The following ZMIZ1 variants were observed in gnomAD, a reference collection of about 807,000 sequenced individuals.
ZMIZ1 encodes the protein zinc finger MIZ-type containing 1.
Under a neutral mutation model 113.9 loss-of-function variants are expected in ZMIZ1, and 17 were observed. That is an observed-to-expected ratio of 0.15 (90% CI 0.10 to 0.22). The LOEUF is 0.22. Among genes scored for constraint, ZMIZ1 ranks in the 10% least tolerant of loss-of-function variants. The probability of loss-of-function intolerance (pLI) is 1.00; values close to 1 mark genes in which losing one functional copy is unlikely to be tolerated. For missense variants in ZMIZ1, 1,059 were observed against 1,477.8 expected, an observed-to-expected ratio of 0.72 and a Z score of 4.65; for synonymous variants, 607 against 603.1, an observed-to-expected ratio of 1.01 and a Z score of -0.09.
At chr10:79,162,006 G>A (rs956111404) in intron 3 of ZMIZ1, 47 bp from the exon 4 acceptor site, 8 of 398,930 alleles carry the variant, frequency 2.0e-5, no homozygotes, top group African/African-American at 1.2e-4. Context: ...GGTCAGTGCC[G>A]GGCCTCTACT....
intron 3 of ZMIZ1, among the ~76,000 whole-genome samples, chr10:79,149,356 C>T (rs1845618433): frequency 6.6e-6 from 1 of 152,202 alleles, no homozygotes; most frequent in Admixed American, 6.5e-5. Flanking sequence ...CATGAATGGG[C>T]AGGAGAGGGG....
At chr10:79,107,367 A>G (rs995182867) in intron 1 of ZMIZ1, among the ~76,000 whole-genome samples, 1 of 152,168 alleles carries the variant, frequency 6.6e-6, no homozygotes, top group Admixed American at 6.5e-5. Flanking sequence ...TCTGTGCCTC[A>G]GTTTCTTCAT....
intron 7 of ZMIZ1, among the ~76,000 whole-genome samples, chr10:79,237,814 G>A (rs1312382050): frequency 1.3e-5 from 2 of 152,200 alleles, no homozygotes; most frequent in Middle Eastern, 3.2e-3. Context: ...TTCTCAATTG[G>A]TCTTTCCTAG....
intron 8 of ZMIZ1, among the ~76,000 whole-genome samples, chr10:79,284,190 C>T (rs986933589): frequency 6.6e-6 from 1 of 152,198 alleles, no homozygotes; most frequent in Non-Finnish European, 1.5e-5. Context: ...TCAGCAAAAC[C>T]TCGATCATTG....
intron 8 of ZMIZ1, among the ~76,000 whole-genome samples, chr10:79,283,110 A>C (rs1459982072): frequency 1.3e-5 from 2 of 152,250 alleles, no homozygotes; most frequent in African/African-American, 4.8e-5. Context: ...TATGCTGTTA[A>C]TTTGATTACA....
At chr10:79,182,571 G>A (rs1847165949) in intron 4 of ZMIZ1, among the ~76,000 whole-genome samples, 1 of 152,220 alleles carries the variant, frequency 6.6e-6, no homozygotes, top group South Asian at 2.1e-4. Context: ...TTAAATACCA[G>A]CAAGGTGACC....
intron 4 of ZMIZ1, among the ~76,000 whole-genome samples, chr10:79,176,813 C>A (rs1846888852): frequency 6.6e-6 from 1 of 152,214 alleles, no homozygotes; most frequent in African/African-American, 2.4e-5. Context: ...CACTAATAAT[C>A]TGATGGCATT....
chr10:79,100,355 C>T (rs1194098968), intron 1 of ZMIZ1, among the ~76,000 whole-genome samples: 1 of 150,866 alleles, frequency 6.6e-6, no homozygotes, highest in Non-Finnish European at 1.5e-5. Flanking sequence ...GCCTGTAATC[C>T]AGCACTTTGG....
chr10:79,169,495 T>C (rs1392546963), intron 4 of ZMIZ1, among the ~76,000 whole-genome samples: 1 of 152,254 alleles, frequency 6.6e-6, no homozygotes, highest in African/African-American at 2.4e-5. Flanking sequence ...CAGCTTAGCC[T>C]GTCCACAGCC....
chr10:79,195,015 G>A (rs905628381), intron 4 of ZMIZ1, among the ~76,000 whole-genome samples: 14 of 152,222 alleles, frequency 9.2e-5, no homozygotes, highest in Admixed American at 9.2e-4. Context: ...GCACAGAGCT[G>A]TGAAAGGGGC....
At chr10:79,192,907 C>T (rs2132618676) in intron 4 of ZMIZ1, among the ~76,000 whole-genome samples, 1 of 152,290 alleles carries the variant, frequency 6.6e-6, no homozygotes, top group East Asian at 1.9e-4. Context: ...TGTGCAGCTG[C>T]CCGGAGCTGC....
intron 7 of ZMIZ1, among the ~76,000 whole-genome samples, chr10:79,254,495 C>T (rs374353678): frequency 1.3e-5 from 2 of 152,252 alleles, no homozygotes; most frequent in East Asian, 3.8e-4. Context: ...CCGAGTGCTG[C>T]TCTTGCTCTA....
intron 7 of ZMIZ1, among the ~76,000 whole-genome samples, chr10:79,238,569 G>A (rs972415257): frequency 6.6e-6 from 1 of 152,204 alleles, no homozygotes; most frequent in African/African-American, 2.4e-5. Context: ...TTTGTAATGT[G>A]GTATGAGGGA....
chr10:79,073,612 G>A (rs1425965354), intron 1 of ZMIZ1, among the ~76,000 whole-genome samples: 1 of 152,172 alleles, frequency 6.6e-6, no homozygotes, highest in East Asian at 1.9e-4. Flanking sequence ...ATGATCCTGG[G>A]TTCAAGACCA....
intron 4 of ZMIZ1, among the ~76,000 whole-genome samples, chr10:79,191,379 G>T (rs1847592509): frequency 6.6e-6 from 1 of 151,838 alleles, no homozygotes; most frequent in South Asian, 2.1e-4. Context: ...TGGTCGGGGG[G>T]GGTCCTGCCT....
At chr10:79,281,608 G>A (rs1363297678) in intron 8 of ZMIZ1, among the ~76,000 whole-genome samples, 4 of 152,230 alleles carry the variant, frequency 2.6e-5, no homozygotes, top group Non-Finnish European at 5.9e-5. Context: ...AGACCAGGCT[G>A]GCACTTACTC....
chr10:79,236,613 A>G (rs1849602679), intron 7 of ZMIZ1, among the ~76,000 whole-genome samples: 1 of 152,158 alleles, frequency 6.6e-6, no homozygotes, highest in East Asian at 1.9e-4. Flanking sequence ...TTTGTTAACC[A>G]GCCTGAGCTT....
At chr10:79,178,915 C>T (rs1044594706) in intron 4 of ZMIZ1, among the ~76,000 whole-genome samples, 3 of 152,202 alleles carry the variant, frequency 2.0e-5, no homozygotes, top group Non-Finnish European at 4.4e-5. Flanking sequence ...AAGCCAGGGC[C>T]GCATGAAGCC....
At chr10:79,084,272 C>T (rs1178162617) in intron 1 of ZMIZ1, among the ~76,000 whole-genome samples, 1 of 152,230 alleles carries the variant, frequency 6.6e-6, no homozygotes, top group African/African-American at 2.4e-5. Flanking sequence ...CCCTCCCACA[C>T]TCTATTGCAA....
Sources: gnomAD v4.1 joint callset for allele counts (sites outside exome capture counted in the v4.1 genomes callset) on GRCh38, gnomAD v4.1.1 for gene constraint, MANE v1.5 for transcripts, NCBI Gene and HGNC (gene_info 2026-07-23, HGNC 2026-07-21) for gene names.